Variants in KYNU observed in about 807,000 individuals in gnomAD.
KYNU encodes the protein L-kynurenine hydrolase.
In KYNU, 54 loss-of-function variants were observed where a neutral mutation model predicts 59.2. The ratio of observed to expected loss-of-function variants is 0.91; its 90% CI spans 0.73 to 1.14. The LOEUF (loss-of-function observed/expected upper bound fraction) is 1.14. KYNU is among the 50% of genes most tolerant of loss of function. The pLI is 0.00. For missense variants in KYNU, 567 were observed against 554.4 expected, an observed-to-expected ratio of 1.02 and a Z score of -0.23; for synonymous variants, 177 against 192.0, an observed-to-expected ratio of 0.92 and a Z score of 0.65.
intron 10 of KYNU, among the ~76,000 whole-genome samples, chr2:143,005,888 C>G (rs553206253): frequency 6.6e-6 from 1 of 152,258 alleles, no homozygotes; most frequent in South Asian, 2.1e-4. Context: ...TCTAAAGCTA[C>G]AAGTACACAT....
intron 8 of KYNU, among the ~76,000 whole-genome samples, chr2:142,982,765 G>C (rs1685085457): frequency 6.6e-6 from 1 of 151,996 alleles, no homozygotes; most frequent in African/African-American, 2.4e-5. Flanking sequence ...GGCTCACATT[G>C]AGGATCTGTA....
intron 10 of KYNU, 149 bp downstream of exon 10, chr2:142,986,170 A>G: frequency 6.4e-6 from 4 of 624,914 alleles, no homozygotes; most frequent in Non-Finnish European, 5.8e-6. Context: ...ACAACAATAT[A>G]CTTCATTTGA....
chr2:142,947,191 C>A (rs1212923436), intron 4 of KYNU: 1 of 1,550,884 alleles, frequency 6.4e-7, no homozygotes, highest in Admixed American at 2.0e-5. Flanking sequence ...AACGCAGACA[C>A]CTCTGAGGTT....
At chr2:142,931,947 G>A (rs1226225843) in intron 4 of KYNU, among the ~76,000 whole-genome samples, 1 of 152,206 alleles carries the variant, frequency 6.6e-6, no homozygotes, top group Non-Finnish European at 1.5e-5. Flanking sequence ...ACCTTCTGAA[G>A]TTGTTGGGAA....
At chr2:142,912,773 G>A (rs1313178248) in intron 2 of KYNU, among the ~76,000 whole-genome samples, 5 of 136,770 alleles carry the variant, frequency 3.7e-5, no homozygotes, top group South Asian at 4.7e-4. Context: ...GCAGTGGCAC[G>A]ATCTCGGCTC....
chr2:143,042,039 C>A lies in KYNU; in HGVS notation c.1273-8C>A, dbSNP rs768370811. The A allele has an allele frequency of 1.2e-6, 2 of 1,610,884 alleles. No individual in the cohort carries two copies. Among genetic ancestry groups the A allele is most frequent in the African/African-American group, 1.3e-5 (1 of 74,776 alleles). On this transcript the variant is annotated splice_region_variant and splice_polypyrimidine_tract_variant and intron_variant, in intron 13 of 13. Transcript: ENST00000264170. ...TAACATTATTGTGGCTTTATTTTTT[C>A]CCCACAGTGTGACAAGCGGAATCCA...
chr2:142,878,053 G>T (rs1479091404), intron 1 of KYNU, among the ~76,000 whole-genome samples: 1 of 152,126 alleles, frequency 6.6e-6, no homozygotes, highest in Non-Finnish European at 1.5e-5. Context: ...TAAGCGGTAA[G>T]ATTAGGTCAA....
In KYNU at chr2:143,008,003, C is replaced by T. The variant is rs1300302407; in HGVS notation, c.903-21624C>T. On this transcript the variant is annotated intron_variant, in intron 10 of 13. Coordinates refer to ENST00000264170, the MANE Select transcript of KYNU (RefSeq NM_003937.3). The stretch of plus-strand genomic sequence containing the variant: ...ACTAGGAAGAAACTGCATCAACTAA[C>T]GTGCAAAATCACCAGCTAACATCAT... Among the ~76,000 whole-genome samples the T allele has an allele frequency of 1.2e-4, 15 of 127,268 alleles. 1 individual carries two copies. Among genetic ancestry groups the T allele is most frequent in the South Asian group, 2.8e-4 (1 of 3,618 alleles). The allele number at this position is 127,268 out of a possible 152,430, so 83.5% of individuals were successfully genotyped here.
At chr2:142,895,689 T>C in intron 2 of KYNU, among the ~76,000 whole-genome samples, 1 of 152,142 alleles carries the variant, frequency 6.6e-6, no homozygotes, top group East Asian at 1.9e-4. Context: ...ATTCTTTTTT[T>C]ATTTTTATTT....
chr2:142,912,214 T>C (rs563949846), intron 2 of KYNU, among the ~76,000 whole-genome samples: 1 of 152,078 alleles, frequency 6.6e-6, no homozygotes, highest in South Asian at 2.1e-4. Flanking sequence ...TTATGACTGA[T>C]TCAAGTTGAA....
chr2:142,926,453 A>G (rs1017857903), intron 3 of KYNU, among the ~76,000 whole-genome samples: 1 of 152,234 alleles, frequency 6.6e-6, no homozygotes, highest in African/African-American at 2.4e-5. Flanking sequence ...GTTTTGATCA[A>G]TAGAAGTTTG....
chr2:142,950,594 C>A (rs1683956672), intron 4 of KYNU, among the ~76,000 whole-genome samples: 2 of 152,138 alleles, frequency 1.3e-5, no homozygotes, highest in African/African-American at 4.8e-5. Flanking sequence ...AAAAACCTGC[C>A]CCCATGATTA....
chr2:142,923,137 T>C (rs1322697049), intron 3 of KYNU, among the ~76,000 whole-genome samples: 1 of 152,212 alleles, frequency 6.6e-6, no homozygotes, highest in East Asian at 1.9e-4. Context: ...GCAGATCAAA[T>C]TTTAACATAA....
intron 2 of KYNU, among the ~76,000 whole-genome samples, chr2:142,893,592 G>T (rs1012212429): frequency 6.6e-6 from 1 of 152,024 alleles, no homozygotes; most frequent in Non-Finnish European, 1.5e-5. Context: ...AGGAACAAAA[G>T]GAAATGAATG....
intron 10 of KYNU, among the ~76,000 whole-genome samples, chr2:143,007,349 T>G (rs1685945199): frequency 6.7e-6 from 1 of 149,386 alleles, no homozygotes; most frequent in Non-Finnish European, 1.5e-5. Flanking sequence ...AGAAGGGAAG[T>G]TTAGAGAAAA....
At chr2:142,980,669 C>T (rs1464537196) in intron 8 of KYNU, among the ~76,000 whole-genome samples, 1 of 152,010 alleles carries the variant, frequency 6.6e-6, no homozygotes, top group Non-Finnish European at 1.5e-5. Flanking sequence ...TTTGGATTGA[C>T]TATAAAGTAA....
At chr2:142,981,277 G>T (rs148841722) in intron 8 of KYNU, among the ~76,000 whole-genome samples, 3,193 of 152,120 alleles carry the variant, frequency 0.021, 50 homozygotes, top group South Asian at 0.061. Context: ...TCTATTTCTT[G>T]AGTTTTCTTA....
chr2:142,976,128 G>A (rs921207637), intron 8 of KYNU, among the ~76,000 whole-genome samples: 1 of 152,186 alleles, frequency 6.6e-6, no homozygotes, highest in Non-Finnish European at 1.5e-5. Context: ...AGAAGAGGCT[G>A]TCTGCAGAGA....
At chr2:143,025,031 C>G (rs962978045) in intron 10 of KYNU, among the ~76,000 whole-genome samples, 2 of 151,560 alleles carry the variant, frequency 1.3e-5, no homozygotes, top group Non-Finnish European at 2.9e-5. Context: ...ATCTTTTTTC[C>G]TTTCTTTTAT....
Sources: gnomAD v4.1 joint callset for allele counts (sites outside exome capture counted in the v4.1 genomes callset) on GRCh38, gnomAD v4.1.1 for gene constraint, MANE v1.5 for transcripts, NCBI Gene and HGNC (gene_info 2026-07-23, HGNC 2026-07-21) for gene names.